CNBD1: variants seen among roughly 807,000 people sequenced by gnomAD.
The protein encoded by CNBD1 is cyclic nucleotide-binding domain-containing protein 1.
CNBD1 carries 71 observed loss-of-function variants against 54.4 expected under a neutral mutation model. The ratio of observed to expected loss-of-function variants is 1.30; its 90% CI spans 1.08 to 1.59. CNBD1 has a LOEUF of 1.59. Ranked by LOEUF, CNBD1 falls within the 40% of genes most tolerant of loss-of-function variation. The pLI, the probability that CNBD1 is intolerant of heterozygous loss-of-function variation, is 0.00. For synonymous variants in CNBD1, 182 were observed against 170.7 expected (o/e 1.07, Z -0.51); for missense variants, 659 against 518.0 (o/e 1.27, Z -2.64).
chr8:87,103,105 A>G (rs1811464967), intron 4 of CNBD1, among the ~76,000 whole-genome samples: 1 of 152,206 alleles, frequency 6.6e-6, no homozygotes, highest in African/African-American at 2.4e-5. Context: ...TGGTAAATAG[A>G]TTTAAAGTTT....
At chr8:86,920,053 G>C (rs571033522) in intron 3 of CNBD1, among the ~76,000 whole-genome samples, 36 of 151,898 alleles carry the variant, frequency 2.4e-4, no homozygotes, top group Non-Finnish European at 4.1e-4. Flanking sequence ...ATTGGGAAAA[G>C]TTTCTACTGG....
chr8:87,281,035 G>A (rs775363390), intron 6 of CNBD1, among the ~76,000 whole-genome samples: 7 of 151,398 alleles, frequency 4.6e-5, no homozygotes, highest in Non-Finnish European at 1.0e-4. Flanking sequence ...TCTCATTTAA[G>A]AACTGCTATA....
At chr8:86,976,897 G>A (rs1473770246) in intron 4 of CNBD1, among the ~76,000 whole-genome samples, 1 of 151,984 alleles carries the variant, frequency 6.6e-6, no homozygotes, top group Non-Finnish European at 1.5e-5. Context: ...AATTTACTAA[G>A]TTTGCTTATG....
At chr8:87,171,821 T>C (rs1308566609) in intron 4 of CNBD1, among the ~76,000 whole-genome samples, 1 of 151,848 alleles carries the variant, frequency 6.6e-6, no homozygotes, top group East Asian at 1.9e-4. Context: ...TTTTTTTTGC[T>C]AGAAATGGGG....
intron 2 of CNBD1, among the ~76,000 whole-genome samples, chr8:87,420,870 C>T (rs527892995): frequency 6.6e-6 from 1 of 151,552 alleles, no homozygotes; most frequent in African/African-American, 2.4e-5. Context: ...AATTATAAGG[C>T]CATGTCTTAT....
intron 2 of CNBD1, among the ~76,000 whole-genome samples, chr8:87,424,611 C>G (rs979022615): frequency 3.3e-5 from 5 of 152,132 alleles, no homozygotes; most frequent in African/African-American, 7.2e-5. Context: ...ATCCTGAGTT[C>G]TAGTTTGATT....
At chr8:87,046,002 C>T (rs1810180188) in intron 4 of CNBD1, among the ~76,000 whole-genome samples, 2 of 142,834 alleles carry the variant, frequency 1.4e-5, no homozygotes, top group Admixed American at 7.2e-5. Context: ...GGTCGTGCCA[C>T]TGCACTCCAG....
At chr8:87,340,387 T>C in intron 8 of CNBD1, among the ~76,000 whole-genome samples, 1 of 152,160 alleles carries the variant, frequency 6.6e-6, no homozygotes, top group East Asian at 1.9e-4. Flanking sequence ...TGGAGTTCTT[T>C]TGATTTATTT....
At chr8:86,948,370 C>T (rs1209568302) in intron 4 of CNBD1, among the ~76,000 whole-genome samples, 1 of 152,060 alleles carries the variant, frequency 6.6e-6, no homozygotes, top group Non-Finnish European at 1.5e-5. Context: ...TTTAGATTCC[C>T]ACCAACAGTA....
In CNBD1 at chr8:87,229,110, G is replaced by C. The variant is rs193216479; in HGVS notation, c.578-7809G>C. ...GCAATGCCTCGCCCTGCTTTGGCTC[G>C]CACATGGTGCGCGCACCCACTGACC... On this transcript the variant is annotated intron_variant, in intron 5 of 10. Transcript: ENST00000518476. Among the ~76,000 whole-genome samples, 395 of 152,170 alleles carry C rather than the reference G, an allele frequency of 2.6e-3. 2 individuals are homozygous for C. Among genetic ancestry groups the C allele is most frequent in the African/African-American group, 8.9e-3 (369 of 41,530 alleles).
intron 8 of CNBD1, among the ~76,000 whole-genome samples, chr8:87,347,920 A>G (rs1332170986): frequency 2.0e-5 from 3 of 152,214 alleles, no homozygotes; most frequent in Non-Finnish European, 2.9e-5. Flanking sequence ...CTATAAATAT[A>G]TTATTTTAGT....
chr8:87,263,083 C>A (rs1056900916), intron 6 of CNBD1, among the ~76,000 whole-genome samples: 2 of 151,960 alleles, frequency 1.3e-5, no homozygotes, highest in African/African-American at 4.8e-5. Context: ...TATATGTGTT[C>A]CTTGTAAGAT....
At chr8:87,329,460 G>A (rs1330287009) in intron 8 of CNBD1, among the ~76,000 whole-genome samples, 1 of 152,006 alleles carries the variant, frequency 6.6e-6, no homozygotes, top group Non-Finnish European at 1.5e-5. Flanking sequence ...AATTTTAATT[G>A]ATATTGCATA....
At chr8:87,203,742 T>C (rs776192069) in intron 4 of CNBD1, among the ~76,000 whole-genome samples, 3 of 152,208 alleles carry the variant, frequency 2.0e-5, no homozygotes, top group Non-Finnish European at 2.9e-5. Context: ...AGAATGAATA[T>C]GTATATTTCT....
intron 4 of CNBD1, among the ~76,000 whole-genome samples, chr8:87,149,882 T>C (rs2130747273): frequency 6.6e-6 from 1 of 151,714 alleles, no homozygotes; most frequent in South Asian, 2.1e-4. Context: ...TAAGGAAAAA[T>C]AATAAGGTAG....
chr8:87,310,585 T>C (rs900402860), intron 8 of CNBD1, among the ~76,000 whole-genome samples: 3 of 152,120 alleles, frequency 2.0e-5, no homozygotes, highest in African/African-American at 7.2e-5. Context: ...TTAACACTAT[T>C]TCTATCAAAT....
At chr8:87,076,155 A>G (rs1036362971) in intron 4 of CNBD1, among the ~76,000 whole-genome samples, 3 of 152,226 alleles carry the variant, frequency 2.0e-5, no homozygotes, top group African/African-American at 7.2e-5. Context: ...TATATCCAGC[A>G]TGAAGTGGGT....
intron 8 of CNBD1, among the ~76,000 whole-genome samples, chr8:87,329,319 A>T (rs777998690): frequency 6.6e-6 from 1 of 151,666 alleles, no homozygotes; most frequent in Admixed American, 6.6e-5. Flanking sequence ...CTCTATTGTA[A>T]CTCTTAAAGT....
chr8:87,403,458 C>T (rs1034893176), intron 2 of CNBD1, among the ~76,000 whole-genome samples: 10 of 151,956 alleles, frequency 6.6e-5, no homozygotes, highest in Admixed American at 1.3e-4. Flanking sequence ...TCAATTTCCG[C>T]GTGCTACTCC....
Sources: gnomAD v4.1 joint callset for allele counts (sites outside exome capture counted in the v4.1 genomes callset) on GRCh38, gnomAD v4.1.1 for gene constraint, MANE v1.5 for transcripts, NCBI Gene and HGNC (gene_info 2026-07-23, HGNC 2026-07-21) for gene names.